The following GLMN variants were observed in gnomAD, a reference collection of about 807,000 sequenced individuals.
The protein encoded by GLMN is glomulin, FKBP associated protein.
GLMN carries 75 observed loss-of-function variants against 87.8 expected under a neutral mutation model. That is an observed-to-expected ratio of 0.85 (90% CI 0.71 to 1.04). GLMN has a LOEUF of 1.04. GLMN is among the 50% of genes least tolerant of loss of function. The pLI is 0.00. For synonymous variants in GLMN, 206 were observed against 221.6 expected, an observed-to-expected ratio of 0.93 and a Z score of 0.63; for missense variants, 588 against 658.8, an observed-to-expected ratio of 0.89 and a Z score of 1.18.
intron 2 of GLMN, 144 bp from the exon 3 acceptor site, chr1:92,297,673 T>A (rs750505149): frequency 2.7e-6 from 2 of 738,732 alleles, no homozygotes; most frequent in Non-Finnish European, 2.3e-6. Context: ...AACACACGTA[T>A]CAAAATTAGG....
chr1:92,368,731 G>T, the GLMN span, among the ~76,000 whole-genome samples: 1 of 152,206 alleles, frequency 6.6e-6, no homozygotes, highest in Admixed American at 6.5e-5. Flanking sequence ...TTGTTTGATA[G>T]CTCAGTAATA....
intron 7 of GLMN, among the ~76,000 whole-genome samples, chr1:92,283,818 C>T (rs957718697): frequency 4.6e-5 from 7 of 152,208 alleles, no homozygotes; most frequent in African/African-American, 1.4e-4. Context: ...CATTCCTATA[C>T]ACCAATAATA....
chr1:92,277,209 A>C (rs1036990264), intron 7 of GLMN, among the ~76,000 whole-genome samples: 4 of 152,318 alleles, frequency 2.6e-5, no homozygotes, highest in Middle Eastern at 3.4e-3. Flanking sequence ...ATATCCATAC[A>C]TCTATACTCA....
At chr1:92,333,101 G>A in the GLMN span, 1 of 317,762 alleles carries the variant, frequency 3.1e-6, no homozygotes, top group Non-Finnish European at 5.8e-6. Context: ...GCACTTAGCA[G>A]TTTACAAAAT....
At chr1:92,301,398 G>A (rs1650847366), upstream of GLMN, 3 of 667,826 alleles carry the variant, frequency 4.5e-6, no homozygotes, top group Non-Finnish European at 7.6e-6. Flanking sequence ...TAGTGAGTTA[G>A]GTTAGTATTG....
chr1:92,256,933 C>T (rs1050508893), intron 16 of GLMN, among the ~76,000 whole-genome samples: 5 of 152,040 alleles, frequency 3.3e-5, no homozygotes, highest in South Asian at 2.1e-4. Context: ...AGAAATAAAG[C>T]GTATTCAAAT....
intron 13 of GLMN, among the ~76,000 whole-genome samples, chr1:92,266,107 T>C (rs552644129): frequency 1.3e-5 from 2 of 152,282 alleles, no homozygotes; most frequent in South Asian, 4.2e-4. Context: ...GTGACATACA[T>C]AAAGTTCCAG....
chr1:92,333,707 T>C, the GLMN span, among the ~76,000 whole-genome samples: 1 of 152,196 alleles, frequency 6.6e-6, no homozygotes, highest in African/African-American at 2.4e-5. Context: ...GTTGAGATTG[T>C]GGGTTTAGAA....
At chr1:92,320,710 G>A in the GLMN span, 2 of 1,172,776 alleles carry the variant, frequency 1.7e-6, no homozygotes, top group African/African-American at 1.5e-5. Context: ...CAGGTGATAT[G>A]AGCTCTTGGA....
At chr1:92,304,145 A>T in the GLMN span, 16 of 1,303,958 alleles carry the variant, frequency 1.2e-5, no homozygotes, top group Non-Finnish European at 1.7e-5. Flanking sequence ...TTGTTGTAAG[A>T]ATAAGAAATA....
chr1:92,332,192 T>C, the GLMN span, among the ~76,000 whole-genome samples: 1 of 152,036 alleles, frequency 6.6e-6, no homozygotes, highest in Non-Finnish European at 1.5e-5. Flanking sequence ...GTGACTGTGC[T>C]TCATTCTGGA....
In GLMN at chr1:92,246,563, C is replaced by G; in HGVS notation, c.1752G>C (p.Lys584Asn). ...TCCCAATATTTTCTTCAGAGGTAGA[C>G]TTTGTTTTTATTTCAATGAGTTCTT... ...RVEELIEIKT[K>N]STSEENIGIK The change falls in exon 19 of 19, where the codon AAG (lysine) becomes AAC (asparagine). Residue 584 changes from lysine (K) to asparagine (N), a missense_variant. By Grantham distance (94) the Lys-to-Asn change is moderately conservative. Coordinates refer to ENST00000370360, the MANE Select transcript of GLMN (RefSeq NM_053274.3). 6.5e-7 allele frequency: 1 copy of G among 1,540,394 alleles called. No individual in the cohort carries two copies. Among genetic ancestry groups the G allele is most frequent in the Non-Finnish European group, 9.0e-7 (1 of 1,112,740 alleles).
chr1:92,350,943 T>C, the GLMN span, among the ~76,000 whole-genome samples: 1 of 150,792 alleles, frequency 6.6e-6, no homozygotes, highest in African/African-American at 2.4e-5. Flanking sequence ...AAATAAAAGA[T>C]AGTCTTCTAT....
the GLMN span, among the ~76,000 whole-genome samples, chr1:92,368,920 G>A: frequency 3.9e-5 from 6 of 152,194 alleles, no homozygotes; most frequent in Admixed American, 1.3e-4. Context: ...AAGGATATCT[G>A]TATTTTCAGA....
chr1:92,320,904 C>T, the GLMN span, among the ~76,000 whole-genome samples: 1 of 152,182 alleles, frequency 6.6e-6, no homozygotes, highest in Non-Finnish European at 1.5e-5. Context: ...ACACAGCCTC[C>T]ATCTCAGATA....
intron 6 of GLMN, 44 bp from the exon 7 acceptor site, chr1:92,286,636 G>T (rs1297157104): frequency 2.2e-6 from 2 of 906,324 alleles, no homozygotes; most frequent in Non-Finnish European, 3.7e-6. Flanking sequence ...ACACTTCCAA[G>T]TATAAAATCC....
chr1:92,324,277 A>T, the GLMN span: 1 of 1,614,104 alleles, frequency 6.2e-7, no homozygotes, highest in African/African-American at 1.3e-5. Flanking sequence ...CGAGAATTTG[A>T]AAAAAGAAAC....
the GLMN span, among the ~76,000 whole-genome samples, chr1:92,360,962 G>T: frequency 1.3e-5 from 2 of 151,712 alleles, no homozygotes; most frequent in African/African-American, 4.8e-5. Context: ...TAATTATGGT[G>T]ACTAACCTTT....
At chr1:92,286,791 G>A (rs778071063) in intron 6 of GLMN, among the ~76,000 whole-genome samples, 199 bp from the exon 7 acceptor site, 4 of 152,164 alleles carry the variant, frequency 2.6e-5, no homozygotes, top group Non-Finnish European at 4.4e-5. Context: ...CCACTCTCAC[G>A]GATGAGATTA....
Sources: gnomAD v4.1 joint callset for allele counts (sites outside exome capture counted in the v4.1 genomes callset) on GRCh38, gnomAD v4.1.1 for gene constraint, MANE v1.5 for transcripts, NCBI Gene and HGNC (gene_info 2026-07-23, HGNC 2026-07-21) for gene names.